IPO5: variants seen among roughly 807,000 people sequenced by gnomAD.
IPO5 encodes the protein importin-5.
A neutral mutation model predicts 143.3 loss-of-function variants in IPO5; 18 were observed. That is an observed-to-expected ratio of 0.13 (90% CI 0.09 to 0.19). The LOEUF (loss-of-function observed/expected upper bound fraction) is 0.19, where lower values mean the gene tolerates loss of function less well. IPO5 is among the 10% of genes least tolerant of loss of function. The pLI is 1.00. For synonymous variants in IPO5, 477 were observed against 465.7 expected (o/e 1.02, Z -0.31); for missense variants, 1,013 against 1,336.9 (o/e 0.76, Z 3.78).
rs1041690866 is a variant in IPO5, at chr13:97,994,184, G to A, written c.913+959G>A. 7.9e-5 allele frequency among the ~76,000 whole-genome samples: 12 copies of A among 152,138 alleles called. 1 individual carries two copies. Among genetic ancestry groups the A allele is most frequent in the South Asian group, 2.1e-4 (1 of 4,814 alleles). On this transcript the variant is annotated intron_variant, in intron 11 of 28. Transcript: ENST00000651721. ...TTAGCCAGATGTGGTGGTGCACACCGGTAATCCCAGCTACTCGGGAGGCTG... is the reference window on the plus strand; with the variant it reads ...TTAGCCAGATGTGGTGGTGCACACCAGTAATCCCAGCTACTCGGGAGGCTG...
intron 5 of IPO5, among the ~76,000 whole-genome samples, chr13:97,983,947 C>T (rs543058513): frequency 7.0e-6 from 1 of 143,820 alleles, no homozygotes; most frequent in South Asian, 2.2e-4. Context: ...ATATGAAGAA[C>T]CCTATATAGG....
At chr13:97,976,868 C>T (rs1594045126) in intron 4 of IPO5, 82 bp downstream of exon 4, 1 of 395,796 alleles carries the variant, frequency 2.5e-6, no homozygotes, top group East Asian at 1.2e-4. Context: ...CGGGCCTCGG[C>T]CGGTCCGCGG....
chr13:97,966,993 G>A (rs1285040037), intron 2 of IPO5, among the ~76,000 whole-genome samples: 6 of 151,986 alleles, frequency 3.9e-5, no homozygotes, highest in South Asian at 2.1e-4. Context: ...CTAAGATCAC[G>A]CCACTGCACT....
chr13:97,983,554 T>A (rs1483114990), intron 5 of IPO5, among the ~76,000 whole-genome samples: 2 of 36,642 alleles, frequency 5.5e-5, no homozygotes, highest in East Asian at 1.1e-3. Flanking sequence ...CCCCCCACCG[T>A]CCCCCCGATT....
At chr13:98,004,649 T>C (rs1161178073) in intron 16 of IPO5, among the ~76,000 whole-genome samples, 1 of 152,060 alleles carries the variant, frequency 6.6e-6, no homozygotes, top group African/African-American at 2.4e-5. Flanking sequence ...GAAGAGAAGG[T>C]AGCCTAGCAG....
intron 11 of IPO5, among the ~76,000 whole-genome samples, chr13:97,995,572 T>C (rs1460137247): frequency 6.7e-6 from 1 of 150,094 alleles, no homozygotes; most frequent in Non-Finnish European, 1.5e-5. Flanking sequence ...TGGCTAACAC[T>C]GTGAAACCCC....
intron 26 of IPO5, among the ~76,000 whole-genome samples, 166 bp from the exon 27 acceptor site, chr13:98,019,415 C>T (rs1465480544): frequency 1.3e-5 from 2 of 152,182 alleles, no homozygotes; most frequent in African/African-American, 2.4e-5. Flanking sequence ...GGGCAGTCCC[C>T]CCTCTGTTGC....
rs192790046 is a variant in IPO5, at chr13:98,005,775, A to G, written c.1498-355A>G. ...GACAGCACAAAATATAATCATAAGT[A>G]GAGGAAATCAGTGAAGAAAAAAATG... is the stretch of plus-strand genomic sequence containing the variant. On this transcript the variant is annotated intron_variant, in intron 16 of 28. Coordinates refer to ENST00000651721, the MANE Select transcript of IPO5 (RefSeq NM_002271.6). Among the ~76,000 whole-genome samples, 56 of 152,316 alleles carry G rather than the reference A, an allele frequency of 3.7e-4. 1 individual carries two copies. In the East Asian group the frequency reaches 0.01, roughly 28 times the overall value.
intron 11 of IPO5, among the ~76,000 whole-genome samples, chr13:97,996,988 A>G (rs953155564): frequency 3.9e-5 from 6 of 152,228 alleles, no homozygotes; most frequent in Non-Finnish European, 7.3e-5. Context: ...ATCTCATCAA[A>G]GCAAATTTTA....
intron 4 of IPO5, chr13:97,979,983 A>G (rs191564553): frequency 1.3e-5 from 6 of 456,334 alleles, no homozygotes; most frequent in African/African-American, 4.0e-5. Flanking sequence ...AGATGAGTAC[A>G]TATGAGCATT....
At chr13:97,995,233 T>A (rs1331615351) in intron 11 of IPO5, among the ~76,000 whole-genome samples, 2 of 150,072 alleles carry the variant, frequency 1.3e-5, no homozygotes, top group Non-Finnish European at 3.0e-5. Flanking sequence ...TGGTGTTTGG[T>A]TTAGTGGTGA....
intron 22 of IPO5, among the ~76,000 whole-genome samples, chr13:98,015,242 TTGTGTGTGTGTG>T (rs1179382229): frequency 6.8e-6 from 1 of 147,724 alleles, no homozygotes; most frequent in African/African-American, 2.5e-5. Flanking sequence ...TAGGAGCTGG[TTGTGTGTGTGTG>T]TGTGTGTGTG....
intron 3 of IPO5, 112 bp from the exon 4 acceptor site, chr13:97,976,581 C>T (rs1377324303): frequency 4.6e-6 from 1 of 218,976 alleles, no homozygotes; most frequent in Non-Finnish European, 8.5e-6. Context: ...CCGCAAGCCC[C>T]GCGCCGCCGC....
chr13:98,005,234 G>A (rs1889128290), intron 16 of IPO5, among the ~76,000 whole-genome samples: 1 of 150,140 alleles, frequency 6.7e-6, no homozygotes, highest in Non-Finnish European at 1.5e-5. Context: ...TCTTGCTCTT[G>A]TCAACCCAGC....
chr13:97,985,729 GT>G, intron 6 of IPO5, 116 bp downstream of exon 6: 1 of 706,012 alleles, frequency 1.4e-6, no homozygotes, highest in Non-Finnish European at 2.4e-6. Context: ...CATTTATTCT[GT>G]TTAAAATGAA....
Position 97,982,593 on chromosome 13 carries a change from T to A in IPO5, c.171+10T>A. The A allele has an allele frequency of 6.6e-7, 1 of 1,522,690 alleles. No individual in the cohort carries two copies. The highest frequency in any genetic ancestry group is 9.1e-7 in the Non-Finnish European group (1 of 1,098,692). 94.3% of individuals were successfully genotyped at this position (1,522,690 alleles called of 1,614,324 possible). A position where few individuals can be genotyped will look rare whatever the true frequency, so the allele number is the denominator to read the frequency against. On this transcript the variant is annotated intron_variant, in intron 5 of 28. Coordinates refer to ENST00000651721, the MANE Select transcript of IPO5 (RefSeq NM_002271.6). ...AACAGCTGCTGAAGAGGTACTACCT[T>A]AATATTTGTGACTATTACATTCTTA...
At chr13:98,002,348 C>T (rs565446847) in intron 13 of IPO5, 119 bp from the exon 14 acceptor site, 1 of 890,916 alleles carries the variant, frequency 1.1e-6, no homozygotes, top group Non-Finnish European at 1.7e-6. Context: ...TATACATATA[C>T]CCTTTTCAAA....
At chr13:97,992,190 T>C (rs1887861073) in intron 9 of IPO5, among the ~76,000 whole-genome samples, 1 of 152,268 alleles carries the variant, frequency 6.6e-6, no homozygotes, top group African/African-American at 2.4e-5. Context: ...TGAAATCTAA[T>C]CCCGGTTTTC....
At chr13:98,021,704 T>C (rs755327503) in intron 28 of IPO5, 32 bp from the exon 29 acceptor site, 4 of 1,368,456 alleles carry the variant, frequency 2.9e-6, no homozygotes, top group Non-Finnish European at 3.0e-6. Context: ...GAGCATTTCG[T>C]CCTAAGTCTG....
Sources: allele counts gnomAD v4.1 joint callset (sites outside exome capture counted in the v4.1 genomes callset), GRCh38; gene constraint gnomAD v4.1.1; transcripts MANE v1.5; gene names NCBI Gene and HGNC (gene_info 2026-07-23, HGNC 2026-07-21).